HACL1: variants seen among roughly 807,000 people sequenced by gnomAD.
The protein encoded by HACL1 is 1600020H07Rik.
Under a neutral mutation model 74.2 loss-of-function variants are expected in HACL1, and 64 were observed. The observed-to-expected ratio is 0.86, with a 90% CI of 0.70 to 1.06. The LOEUF (loss-of-function observed/expected upper bound fraction) is 1.06. Among genes scored for constraint, HACL1 ranks in the 50% least tolerant of loss-of-function variants. HACL1 has a pLI of 0.00. For synonymous variants in HACL1, 230 were observed against 238.8 expected, an observed-to-expected ratio of 0.96 and a Z score of 0.34; for missense variants, 728 against 719.7, an observed-to-expected ratio of 1.01 and a Z score of -0.13.
At position 15,573,341 on chromosome 3, in the gene HACL1, C is replaced by G. The variant is rs866830513; in HGVS notation, c.910-99G>C. The G allele has an allele frequency of 2.1e-5, 14 of 677,050 alleles. No homozygotes were observed. The Middle Eastern group carries it at 1.5e-3, about 71-fold the overall frequency. 41.9% of individuals were successfully genotyped at this position (677,050 alleles called of 1,614,324 possible). ...ATAAATGAACTGTGTATATAGAACA[C>G]ATGATAAAGAAGATTTGATATTCAG... On this transcript the variant is annotated intron_variant, in intron 10 of 16. Coordinates refer to ENST00000321169, the MANE Select transcript of HACL1 (RefSeq NM_012260.4).
intron 2 of HACL1, among the ~76,000 whole-genome samples, chr3:15,599,526 T>A (rs1226995493): frequency 6.0e-5 from 9 of 149,622 alleles, no homozygotes; most frequent in Admixed American, 2.7e-4. Flanking sequence ...AAAAAAAAAA[T>A]TCAAACTCTT....
intron 15 of HACL1, among the ~76,000 whole-genome samples, chr3:15,563,784 G>C (rs2063387042): frequency 6.6e-6 from 1 of 152,170 alleles, no homozygotes; most frequent in African/African-American, 2.4e-5. Flanking sequence ...TGCCATCCAA[G>C]ACAGTAGCCA....
intron 16 of HACL1, among the ~76,000 whole-genome samples, chr3:15,562,401 T>C (rs899309406): frequency 1.3e-5 from 2 of 152,226 alleles, no homozygotes; most frequent in African/African-American, 4.8e-5. Context: ...GCCAAAGTCA[T>C]TGAAATCTGT....
intron 15 of HACL1, among the ~76,000 whole-genome samples, 181 bp from the exon 16 acceptor site, chr3:15,563,725 A>T (rs959712863): frequency 6.6e-6 from 1 of 152,254 alleles, no homozygotes; most frequent in African/African-American, 2.4e-5. Flanking sequence ...TTGTCTATAT[A>T]GCAATGTCCA....
intron 2 of HACL1, among the ~76,000 whole-genome samples, chr3:15,597,318 C>T (rs2064085341): frequency 6.6e-6 from 1 of 152,128 alleles, no homozygotes. Flanking sequence ...ACATATACTG[C>T]ACGCTTTCAA....
chr3:15,593,750 C>T (rs2064001180), intron 3 of HACL1, among the ~76,000 whole-genome samples: 1 of 146,852 alleles, frequency 6.8e-6, no homozygotes, highest in African/African-American at 2.5e-5. Context: ...GAAAGTAATT[C>T]TGAATGCAGT....
intron 7 of HACL1, among the ~76,000 whole-genome samples, chr3:15,585,021 G>A (rs531583135): frequency 3.2e-4 from 48 of 152,214 alleles, no homozygotes; most frequent in Non-Finnish European, 4.6e-4. Flanking sequence ...GAGGAGTTCA[G>A]GAAGTTCTAA....
Position 15,569,116 on chromosome 3 carries a change from T to G in HACL1, c.1096-530A>C, listed in dbSNP as rs1424859615. ...CCCACTATTCTAAAGAGTCCCTGAA[T>G]GGAGAGAAAAACAGCAAGGTAAACG... On this transcript the variant is annotated intron_variant, in intron 12 of 16. Transcript: ENST00000321169. Among the ~76,000 whole-genome samples, 2 of 152,244 alleles carry G rather than the reference T, an allele frequency of 1.3e-5. 1 individual carries two copies. Among genetic ancestry groups the G allele is most frequent in the South Asian group, 4.1e-4 (2 of 4,832 alleles).
At chr3:15,571,112 A>G (rs375683046) in intron 12 of HACL1, among the ~76,000 whole-genome samples, 58 of 152,094 alleles carry the variant, frequency 3.8e-4, no homozygotes, top group African/African-American at 1.4e-3. Flanking sequence ...CTGAGGAGAC[A>G]AGACAACAGG....
Position 15,573,148 on chromosome 3 carries a change from AAAGTTCTC to A in HACL1, c.993+3_993+10del. 1 of 1,527,348 alleles carries A rather than the reference AAAGTTCTC, an allele frequency of 6.5e-7. No individual in the cohort carries two copies. The highest frequency in any genetic ancestry group is 9.1e-7 in the Non-Finnish European group (1 of 1,101,516). The allele number at this position is 1,527,348 out of a possible 1,614,324, so 94.6% of individuals were successfully genotyped here. A position where few individuals can be genotyped will look rare whatever the true frequency, so the allele number is the denominator to read the frequency against. ...TAAGCACTCCACATAAACTAAAACA[AAAGTTCTC>A]ACCTGCTTAGTGACAGCATGTATGT... On this transcript the variant is annotated splice_donor_5th_base_variant and intron_variant, in intron 11 of 16. Transcript: ENST00000321169.
intron 4 of HACL1, 103 bp from the exon 5 acceptor site, chr3:15,589,715 G>T: frequency 1.3e-6 from 1 of 779,596 alleles, no homozygotes; most frequent in Non-Finnish European, 2.2e-6. Context: ...GTTAAAGGGA[G>T]AGAATATTAT....
chr3:15,569,291 T>A (rs1219078283), intron 12 of HACL1, among the ~76,000 whole-genome samples: 1 of 152,194 alleles, frequency 6.6e-6, no homozygotes, highest in South Asian at 2.1e-4. Flanking sequence ...GACCCTCCTA[T>A]ACTCCTGCAC....
chr3:15,564,113 A>G (rs2063392408), intron 15 of HACL1, among the ~76,000 whole-genome samples: 2 of 152,240 alleles, frequency 1.3e-5, no homozygotes, highest in South Asian at 4.1e-4. Context: ...TTCTACGGCC[A>G]GCTACAATAC....
intron 12 of HACL1, 78 bp downstream of exon 12, chr3:15,571,590 T>G: frequency 1.3e-6 from 1 of 779,538 alleles, no homozygotes; most frequent in Non-Finnish European, 2.3e-6. Context: ...TTTTTAGGAA[T>G]GCACATGTCA....
Position 15,564,666 on chromosome 3 carries a change from G to C in HACL1, c.1410-8C>G. 8.6e-7 allele frequency: 1 copy of C among 1,162,182 alleles called. No homozygotes were observed. Among genetic ancestry groups the C allele is most frequent in the Non-Finnish European group, 1.3e-6 (1 of 789,216 alleles). The allele number at this position is 1,162,182 out of a possible 1,614,324, so 72.0% of individuals were successfully genotyped here. A position where few individuals can be genotyped will look rare whatever the true frequency, so the allele number is the denominator to read the frequency against. Reference sequence around the variant, plus strand: ...ATGATTGGCAAGTTGTACCTAAAGTGAGAGTAAAATATGAAGGAAATCATT... The same window carrying C: ...ATGATTGGCAAGTTGTACCTAAAGTCAGAGTAAAATATGAAGGAAATCATT... On this transcript the variant is annotated splice_region_variant and splice_polypyrimidine_tract_variant and intron_variant, in intron 14 of 16. Transcript: ENST00000321169.
At chr3:15,586,281 A>T (rs1041062707) in intron 6 of HACL1, among the ~76,000 whole-genome samples, 4 of 152,216 alleles carry the variant, frequency 2.6e-5, no homozygotes, top group African/African-American at 9.6e-5. Flanking sequence ...GTATAATTAA[A>T]AAGGTAATTT....
intron 9 of HACL1, among the ~76,000 whole-genome samples, chr3:15,576,374 C>G (rs1019118304): frequency 6.6e-6 from 1 of 152,040 alleles, no homozygotes; most frequent in South Asian, 2.1e-4. Context: ...ATTTTTAAGA[C>G]TATTGATTCA....
intron 13 of HACL1, 48 bp downstream of exon 13, chr3:15,568,384 A>G: frequency 8.5e-7 from 1 of 1,172,626 alleles, no homozygotes; most frequent in South Asian, 1.4e-5. Context: ...GTTTCATATT[A>G]AACACATTAT....
intron 9 of HACL1, among the ~76,000 whole-genome samples, chr3:15,576,981 C>T (rs1168548178): frequency 6.6e-6 from 1 of 152,088 alleles, no homozygotes; most frequent in Non-Finnish European, 1.5e-5. Flanking sequence ...TATTTATAGT[C>T]CCTTGTAACC....
Sources: gnomAD v4.1 joint callset for allele counts (sites outside exome capture counted in the v4.1 genomes callset) on GRCh38, gnomAD v4.1.1 for gene constraint, MANE v1.5 for transcripts, NCBI Gene and HGNC (gene_info 2026-07-23, HGNC 2026-07-21) for gene names.